Variants in BICD1 observed in about 807,000 individuals in gnomAD.
The protein encoded by BICD1 is protein bicaudal D homolog 1.
In BICD1, 35 loss-of-function variants were observed where a neutral mutation model predicts 92.5. The observed-to-expected ratio is 0.38, with a 90% CI of 0.29 to 0.50. BICD1 has a LOEUF of 0.50. Among genes scored for constraint, BICD1 ranks in the 20% least tolerant of loss-of-function variants. The pLI, the probability that BICD1 is intolerant of heterozygous loss-of-function variation, is 0.93. For missense variants in BICD1, 950 were observed against 1,189.8 expected, an observed-to-expected ratio of 0.80 and a Z score of 2.97; for synonymous variants, 429 against 465.1, an observed-to-expected ratio of 0.92 and a Z score of 1.00.
intron 5 of BICD1, chr12:32,332,554 C>T (rs1470788733): frequency 3.0e-6 from 2 of 669,008 alleles, no homozygotes; most frequent in African/African-American, 3.9e-5. Flanking sequence ...CACATGGTCC[C>T]TGCCTTCCAG....
chr12:32,122,833 T>A (rs1303276774), intron 1 of BICD1, among the ~76,000 whole-genome samples: 2 of 152,222 alleles, frequency 1.3e-5, no homozygotes, highest in Non-Finnish European at 2.9e-5. Flanking sequence ...AATCTTAAGA[T>A]GTATTTAAAT....
intron 3 of BICD1, among the ~76,000 whole-genome samples, chr12:32,304,683 G>C (rs927872995): frequency 6.6e-6 from 1 of 152,168 alleles, no homozygotes; most frequent in Non-Finnish European, 1.5e-5. Context: ...GATTGTTTGA[G>C]GAGGTTTATT....
chr12:32,282,187 G>GC (rs1229767666), intron 2 of BICD1, among the ~76,000 whole-genome samples: 1 of 137,832 alleles, frequency 7.3e-6, no homozygotes, highest in African/African-American at 2.7e-5. Context: ...GCAAGACCCA[G>GC]CTTCAGGTCT....
chr12:32,166,471 A>C (rs1943776116), intron 1 of BICD1, among the ~76,000 whole-genome samples: 1 of 151,900 alleles, frequency 6.6e-6, no homozygotes, highest in Admixed American at 6.6e-5. Context: ...AACTGGGGGG[A>C]TGCTTCTGGC....
rs74482412 is a variant in BICD1 at position 32,195,213 on chromosome 12, G to A, written c.214-21034G>A. 5.0e-3 allele frequency among the ~76,000 whole-genome samples: 764 copies of A among 152,178 alleles called. 4 individuals carry two copies. The highest frequency in any genetic ancestry group is 7.9e-3 in the Non-Finnish European group (540 of 68,006). ...TGAAAGCAACATACAGATTCAATGC[G>A]ATGCCTATCAAAATTTTAATGGCAT... On this transcript the variant is annotated intron_variant, in intron 1 of 9. Transcript: ENST00000652176.
intron 1 of BICD1, among the ~76,000 whole-genome samples, chr12:32,121,284 T>C (rs111765879): frequency 2.7e-4 from 36 of 134,040 alleles, no homozygotes; most frequent in African/African-American, 8.5e-4. Flanking sequence ...TAAAAATTCA[T>C]ACCAGATCTT....
chr12:32,190,393 G>A (rs1288009313), intron 1 of BICD1, among the ~76,000 whole-genome samples: 1 of 152,170 alleles, frequency 6.6e-6, no homozygotes, highest in Non-Finnish European at 1.5e-5. Flanking sequence ...TGAAAGTAAA[G>A]GGATGGAAGA....
At chr12:32,157,412 GTAT>G (rs1243615738) in intron 1 of BICD1, among the ~76,000 whole-genome samples, 3 of 152,172 alleles carry the variant, frequency 2.0e-5, no homozygotes, top group Non-Finnish European at 4.4e-5. Context: ...AAATGCAGGT[GTAT>G]TATTATGATT....
chr12:32,107,587 C>A, intron 1 of BICD1, 43 bp downstream of exon 1: 1 of 1,538,244 alleles, frequency 6.5e-7, no homozygotes, highest in East Asian at 2.4e-5. Flanking sequence ...CCTCACTCCC[C>A]CCACCCGCAA....
intron 8 of BICD1, among the ~76,000 whole-genome samples, chr12:32,345,897 C>T (rs999081347): frequency 3.3e-5 from 5 of 152,236 alleles, no homozygotes; most frequent in Non-Finnish European, 5.9e-5. Context: ...CGCCTATAAT[C>T]CCAGCACTTT....
At position 32,327,554 on chromosome 12, in the gene BICD1, C is replaced by T. The variant is rs148689974; in HGVS notation, c.1099C>T (p.Arg367Trp). The T allele has an allele frequency of 6.1e-5, 98 of 1,613,988 alleles. No individual in the cohort carries two copies. Among genetic ancestry groups the T allele is most frequent in the African/African-American group, 1.1e-4 (8 of 74,910 alleles). The change falls in exon 5 of 10, where the codon CGG becomes TGG. Residue 367 changes from arginine to tryptophan, a missense_variant. Physicochemically the swap from Arg to Trp is moderately radical, Grantham distance 101 (BLOSUM62 -3). Around this residue, in one of 5 missense-constraint regions of BICD1, gnomAD observed 246 missense variants for 258.4 expected, o/e 0.95. Transcript: ENST00000652176. The stretch of plus-strand genomic sequence containing the variant: ...GGGGGCACTGACGGAGCAGCATGAG[C>T]GGGTGCACCGGCTCACAGAGCACGT... The part of the protein sequence containing the change: ...TKGALTEQHE[R>W]VHRLTEHVNA...
At chr12:32,246,664 G>T (rs812645) in intron 2 of BICD1, among the ~76,000 whole-genome samples, 57,707 of 151,878 alleles carry the variant, frequency 0.38, 11,952 homozygotes, top group Non-Finnish European at 0.47. Flanking sequence ...ACAGTTATTT[G>T]ATTATTTGCA....
intron 4 of BICD1, among the ~76,000 whole-genome samples, chr12:32,307,526 G>A (rs965754569): frequency 6.6e-5 from 10 of 152,136 alleles, no homozygotes; most frequent in African/African-American, 2.4e-4. Flanking sequence ...GGTATAACAA[G>A]CTTGTTAAGT....
At position 32,305,852 on chromosome 12, in the gene BICD1, G is replaced by A; in HGVS notation, c.735G>A (p.Lys245=). 1 of 1,614,170 alleles carries A rather than the reference G, an allele frequency of 6.2e-7. No homozygotes were observed. Among genetic ancestry groups the A allele is most frequent in the Non-Finnish European group, 8.5e-7 (1 of 1,180,026 alleles). The change falls in exon 4 of 10, where the codon AAG becomes AAA. Residue 245 remains lysine, a synonymous_variant. Coordinates refer to ENST00000652176, the MANE Select transcript of BICD1 (RefSeq NM_001714.4). ...LETLKNEREQ[K]NNLRKELSQY... is the part of the protein sequence containing the mutation. ...CTTTAAAAAATGAAAGAGAGCAAAA[G>A]AACAACCTGCGGAAGGAGCTCTCCC...
At chr12:32,267,366 G>GT (rs1339476817) in intron 2 of BICD1, among the ~76,000 whole-genome samples, 3 of 152,124 alleles carry the variant, frequency 2.0e-5, no homozygotes, top group Non-Finnish European at 4.4e-5. Flanking sequence ...GATCTTTGTA[G>GT]TTTTTTTGTT....
intron 8 of BICD1, among the ~76,000 whole-genome samples, chr12:32,342,204 G>GTGTATATATA (rs375823999): frequency 5.9e-5 from 7 of 119,310 alleles, no homozygotes; most frequent in East Asian, 4.5e-4. Flanking sequence ...GTGTGTGTGT[G>GTGTATATATA]TATATATATA....
At chr12:32,307,815 G>T (rs1948270206) in intron 4 of BICD1, among the ~76,000 whole-genome samples, 1 of 152,196 alleles carries the variant, frequency 6.6e-6, no homozygotes, top group South Asian at 2.1e-4. Flanking sequence ...AGTTTTACAT[G>T]ACAGATGTAT....
At chr12:32,263,042 A>T (rs1946897738) in intron 2 of BICD1, among the ~76,000 whole-genome samples, 2 of 149,802 alleles carry the variant, frequency 1.3e-5, no homozygotes, top group South Asian at 4.2e-4. Context: ...TACTTCGGAG[A>T]GAGGATCACC....
chr12:32,365,998 T>C (rs1160595665), intron 8 of BICD1, among the ~76,000 whole-genome samples: 1 of 152,176 alleles, frequency 6.6e-6, no homozygotes, highest in African/African-American at 2.4e-5. Context: ...TTGTTCCTAT[T>C]AAGATGCGCT....
Sources: gnomAD v4.1 joint callset for allele counts (sites outside exome capture counted in the v4.1 genomes callset) on GRCh38, gnomAD v4.1.1 for gene constraint, gnomAD v4.1.1 regional missense constraint, MANE v1.5 for transcripts, NCBI Gene and HGNC (gene_info 2026-07-23, HGNC 2026-07-21) for gene names.